Variants in TMEM260 observed in about 807,000 individuals in gnomAD.
TMEM260 encodes the protein protein O-mannosyl-transferase TMEM260.
Under a neutral mutation model 88.9 loss-of-function variants are expected in TMEM260, and 82 were observed. The ratio of observed to expected loss-of-function variants is 0.92; its 90% CI spans 0.77 to 1.11. The LOEUF (loss-of-function observed/expected upper bound fraction) is 1.11, where lower values mean the gene tolerates loss of function less well. Among genes scored for constraint, TMEM260 ranks in the 50% least tolerant of loss-of-function variants. The pLI is 0.00. For missense variants in TMEM260, 902 were observed against 853.4 expected (o/e 1.06, Z -0.71); for synonymous variants, 314 against 309.3 (o/e 1.02, Z -0.16).
intron 15 of TMEM260, among the ~76,000 whole-genome samples, chr14:56,637,563 GCTCTATAGGAAACTAAT>G (rs1594889880): frequency 6.6e-6 from 1 of 152,306 alleles, no homozygotes; most frequent in East Asian, 1.9e-4. Flanking sequence ...TGCAGAGTCT[GCTCTATAGGAAACTAAT>G]ATCCTGACAA....
intron 7 of TMEM260, among the ~76,000 whole-genome samples, chr14:56,614,408 A>G (rs1485598799): frequency 2.0e-5 from 3 of 151,952 alleles, no homozygotes; most frequent in African/African-American, 7.3e-5. Flanking sequence ...AGACAGTCAA[A>G]TGTCATATCA....
At chr14:56,631,738 C>T (rs540028413) in intron 12 of TMEM260, among the ~76,000 whole-genome samples, 1 of 152,284 alleles carries the variant, frequency 6.6e-6, no homozygotes. Context: ...TTAAACTCTG[C>T]TGTTTTGCCT....
chr14:56,653,741 C>CAAAAAAAAAAAAAACA (rs1555343553), downstream of TMEM260, among the ~76,000 whole-genome samples: 68 of 97,900 alleles, frequency 6.9e-4, no homozygotes, highest in African/African-American at 2.6e-3. Context: ...GTCTCCAAAA[C>CAAAAAAAAAAAAAACA]AAAAAAAAAA....
intron 2 of TMEM260, 67 bp downstream of exon 2, chr14:56,585,099 T>C (rs1050255427): frequency 6.9e-7 from 1 of 1,441,126 alleles, no homozygotes; most frequent in African/African-American, 1.4e-5. Context: ...GAAAGTTTAA[T>C]TAAGCATGGA....
At chr14:56,636,768 T>G (rs1889123269) in intron 15 of TMEM260, among the ~76,000 whole-genome samples, 170 bp downstream of exon 15, 1 of 152,070 alleles carries the variant, frequency 6.6e-6, no homozygotes, top group South Asian at 2.1e-4. Context: ...TATCACAGTA[T>G]CCAAAGTAAA....
intron 7 of TMEM260, chr14:56,613,144 T>C (rs539150065): frequency 6.6e-6 from 1 of 152,294 alleles, no homozygotes; most frequent in Non-Finnish European, 1.5e-5. Context: ...TGGAAAGATA[T>C]CCATACCAAC....
At chr14:56,605,990 A>G (rs1257005429) in intron 5 of TMEM260, among the ~76,000 whole-genome samples, 3 of 152,210 alleles carry the variant, frequency 2.0e-5, no homozygotes, top group Non-Finnish European at 4.4e-5. Context: ...TATACATTCT[A>G]AAACACAGAG....
chr14:56,640,870 T>C lies in TMEM260; in HGVS notation c.1869+4272T>C, dbSNP rs534781415. Among the ~76,000 whole-genome samples the C allele has an allele frequency of 1.4e-4, 21 of 152,178 alleles. No homozygotes were observed. In the East Asian group the frequency reaches 3.9e-3, roughly 28 times the overall value. On this transcript the variant is annotated intron_variant, in intron 15 of 15. Transcript: ENST00000261556. ...CAAATGCACAAGCCTCAGTAGCCAATGCGATCAACTGGAAGAAAGGGTATC... is the reference window on the plus strand; with the variant it reads ...CAAATGCACAAGCCTCAGTAGCCAACGCGATCAACTGGAAGAAAGGGTATC...
At chr14:56,605,981 A>G (rs990180740) in intron 5 of TMEM260, among the ~76,000 whole-genome samples, 1 of 152,198 alleles carries the variant, frequency 6.6e-6, no homozygotes, top group African/African-American at 2.4e-5. Flanking sequence ...TTATCGTTTT[A>G]TACATTCTAA....
intron 1 of TMEM260, among the ~76,000 whole-genome samples, chr14:56,584,419 T>C (rs1885353817): frequency 6.6e-6 from 1 of 152,160 alleles, no homozygotes; most frequent in African/African-American, 2.4e-5. Flanking sequence ...TATAAAGGAC[T>C]ATGTAAAGAA....
chr14:56,583,961 A>G (rs1236446108), intron 1 of TMEM260, among the ~76,000 whole-genome samples: 4 of 151,796 alleles, frequency 2.6e-5, no homozygotes, highest in Non-Finnish European at 5.9e-5. Context: ...CCATTGAGAA[A>G]TTTTAGACTA....
rs912064074 is a variant in TMEM260, at chr14:56,648,087, A to G, written c.*590A>G. 6.6e-6 allele frequency: 1 copy of G among 152,216 alleles called. No individual in the cohort carries two copies. Among genetic ancestry groups the G allele is most frequent in the African/African-American group, 2.4e-5 (1 of 41,460 alleles). 9.4% of individuals were successfully genotyped at this position (152,216 alleles called of 1,614,324 possible). Reference sequence around the variant, plus strand: ...GATCGTTCTTGGAAATCACTAAAAAAAAAAAAAGTTAATTTGATGTTTGCT... The same window carrying G: ...GATCGTTCTTGGAAATCACTAAAAAGAAAAAAAGTTAATTTGATGTTTGCT... On this transcript the variant is annotated 3_prime_UTR_variant, in exon 16 of 16. Transcript: ENST00000261556.
chr14:56,646,948 C>T (rs1473555323), intron 15 of TMEM260, among the ~76,000 whole-genome samples: 1 of 151,972 alleles, frequency 6.6e-6, no homozygotes, highest in Non-Finnish European at 1.5e-5. Context: ...AAATCCCTTC[C>T]CCAGAACATC....
chr14:56,659,012 G>A, the TMEM260 span, among the ~76,000 whole-genome samples: 1 of 152,212 alleles, frequency 6.6e-6, no homozygotes, highest in Non-Finnish European at 1.5e-5. Context: ...TTACAGGCAT[G>A]AGCCATCACG....
intron 15 of TMEM260, among the ~76,000 whole-genome samples, chr14:56,642,983 C>T (rs1889708690): frequency 6.6e-6 from 1 of 152,266 alleles, no homozygotes; most frequent in African/African-American, 2.4e-5. Context: ...AATGTCTGAA[C>T]AGACCAATAA....
At chr14:56,608,045 ATTAG>A (rs1887023764) in intron 5 of TMEM260, among the ~76,000 whole-genome samples, 1 of 152,204 alleles carries the variant, frequency 6.6e-6, no homozygotes, top group African/African-American at 2.4e-5. Context: ...ATGTTGTTAG[ATTAG>A]TTATTTCTTA....
downstream of TMEM260, among the ~76,000 whole-genome samples, chr14:56,655,162 C>T (rs537989101): frequency 2.9e-3 from 437 of 152,098 alleles, 4 homozygotes; most frequent in African/African-American, 0.01. Flanking sequence ...GAGGCTGAGG[C>T]GGGTGGATCA....
chr14:56,650,207 T>A (rs537806775), downstream of TMEM260: 89 of 396,980 alleles, frequency 2.2e-4, no homozygotes, highest in African/African-American at 1.8e-3. Flanking sequence ...TGCCATGGTT[T>A]GGCAGGAAGA....
chr14:56,580,716 T>C (rs2053035915), intron 1 of TMEM260, among the ~76,000 whole-genome samples: 1 of 152,224 alleles, frequency 6.6e-6, no homozygotes, highest in South Asian at 2.1e-4. Context: ...GCTGTTTCTA[T>C]GAAAAAGAAA....
Sources: allele counts gnomAD v4.1 joint callset (sites outside exome capture counted in the v4.1 genomes callset), GRCh38; gene constraint gnomAD v4.1.1; transcripts MANE v1.5; gene names NCBI Gene and HGNC (gene_info 2026-07-23, HGNC 2026-07-21).